CADM1: variants seen among roughly 807,000 people sequenced by gnomAD.
CADM1 encodes the protein cell adhesion molecule 1.
Under a neutral mutation model 53.1 loss-of-function variants are expected in CADM1, and 15 were observed. The ratio of observed to expected loss-of-function variants is 0.28; its 90% CI spans 0.19 to 0.44. The LOEUF is 0.44. Among genes scored for constraint, CADM1 ranks in the 20% least tolerant of loss-of-function variants. The pLI, the probability that CADM1 is intolerant of heterozygous loss-of-function variation, is 1.00. For synonymous variants in CADM1, 281 were observed against 243.0 expected (o/e 1.16, Z -1.45); for missense variants, 434 against 611.3 (o/e 0.71, Z 3.06).
At chr11:115,382,284 T>A (rs990417603) in intron 1 of CADM1, among the ~76,000 whole-genome samples, 1 of 151,698 alleles carries the variant, frequency 6.6e-6, no homozygotes, top group African/African-American at 2.4e-5. Context: ...ATTATGTAAA[T>A]AATAATACTG....
intron 1 of CADM1, among the ~76,000 whole-genome samples, chr11:115,403,802 G>A (rs1037788524): frequency 4.0e-5 from 6 of 151,394 alleles, no homozygotes; most frequent in Admixed American, 3.3e-4. Flanking sequence ...TCACCATGTT[G>A]GCCAGGCTGG....
chr11:115,415,929 T>C (rs1947586260), intron 1 of CADM1, among the ~76,000 whole-genome samples: 1 of 151,742 alleles, frequency 6.6e-6, no homozygotes, highest in African/African-American at 2.4e-5. Flanking sequence ...AAGGTGATCT[T>C]AGGGTAGAAA....
chr11:115,257,557 C>A (rs1942833361), intron 1 of CADM1, among the ~76,000 whole-genome samples: 1 of 152,112 alleles, frequency 6.6e-6, no homozygotes, highest in Non-Finnish European at 1.5e-5. Context: ...GTTAGTGTAT[C>A]CAGTTCTATG....
intron 7 of CADM1, among the ~76,000 whole-genome samples, chr11:115,213,946 A>G (rs12281523): frequency 0.059 from 8,973 of 152,312 alleles, 378 homozygotes; most frequent in Admixed American, 0.14. Context: ...AGTAAGTTAT[A>G]AACAGGAAGT....
intron 1 of CADM1, among the ~76,000 whole-genome samples, chr11:115,323,254 T>C (rs988950334): frequency 6.6e-6 from 1 of 152,200 alleles, no homozygotes. Flanking sequence ...GTATTATAAT[T>C]TTGAGCAACT....
intron 1 of CADM1, among the ~76,000 whole-genome samples, chr11:115,473,958 C>T (rs545985822): frequency 6.6e-6 from 1 of 152,228 alleles, no homozygotes; most frequent in South Asian, 2.1e-4. Context: ...ATACCCAGTA[C>T]TCTCAATACT....
chr11:115,397,344 T>G (rs1200777359), intron 1 of CADM1: 2 of 152,144 alleles, frequency 1.3e-5, no homozygotes, highest in Non-Finnish European at 2.9e-5. Flanking sequence ...ATCAGGAGAA[T>G]GGTACAGAAA....
At chr11:115,237,974 A>G (rs1159995396) in intron 3 of CADM1, among the ~76,000 whole-genome samples, 3 of 152,192 alleles carry the variant, frequency 2.0e-5, no homozygotes, top group Non-Finnish European at 2.9e-5. Flanking sequence ...GTGGCAAAGT[A>G]TATGTTCATG....
intron 1 of CADM1, among the ~76,000 whole-genome samples, chr11:115,459,351 T>C (rs1265117733): frequency 6.6e-6 from 1 of 152,118 alleles, no homozygotes; most frequent in Non-Finnish European, 1.5e-5. Context: ...TCTATTCCCT[T>C]GATAGAGTTT....
At chr11:115,198,536 G>A in intron 8 of CADM1, 98 bp from the exon 9 acceptor site, 3 of 869,494 alleles carry the variant, frequency 3.5e-6, no homozygotes, top group South Asian at 1.4e-5. Flanking sequence ...GATAATATAT[G>A]AGCAAGCTTT....
intron 1 of CADM1, among the ~76,000 whole-genome samples, chr11:115,472,251 T>G (rs536462874): frequency 1.3e-5 from 2 of 152,338 alleles, no homozygotes; most frequent in African/African-American, 4.8e-5. Flanking sequence ...TATAGCTAAG[T>G]AGATGTCAGA....
intron 5 of CADM1, among the ~76,000 whole-genome samples, chr11:115,224,544 A>G (rs1453984922): frequency 6.6e-6 from 1 of 152,140 alleles, no homozygotes; most frequent in African/African-American, 2.4e-5. Context: ...AAAACCCTCA[A>G]AAAATGAGGA....
rs1201779380 is a variant in CADM1, at chr11:115,173,055, C to T, written c.*3419G>A. On this transcript the variant is annotated 3_prime_UTR_variant, in exon 12 of 12. Transcript: ENST00000331581. ...CAACAGAGCAAATCCTGCTGTCTAC[C>T]CAGGCCTGGAAGTCTCAGCAACCTA... 6.6e-6 allele frequency: 1 copy of T among 152,252 alleles called. No individual in the cohort carries two copies. Among genetic ancestry groups the T allele is most frequent in the Non-Finnish European group, 1.5e-5 (1 of 68,068 alleles). The allele number at this position is 152,252 out of a possible 1,614,324, so 9.4% of individuals were successfully genotyped here. A position where few individuals can be genotyped will look rare whatever the true frequency, so the allele number is the denominator to read the frequency against.
intron 10 of CADM1, among the ~76,000 whole-genome samples, chr11:115,184,642 CCA>C (rs1253875587): frequency 6.6e-5 from 10 of 152,122 alleles, no homozygotes; most frequent in African/African-American, 2.4e-4. Flanking sequence ...ATGAAGACTC[CCA>C]TATAGCATCC....
At chr11:115,275,874 C>A (rs1198464745) in intron 1 of CADM1, among the ~76,000 whole-genome samples, 1 of 152,132 alleles carries the variant, frequency 6.6e-6, no homozygotes, top group African/African-American at 2.4e-5. Flanking sequence ...AAGCTGGTCC[C>A]ATTAGCTGCA....
At chr11:115,442,253 T>C (rs1948332222) in intron 1 of CADM1, among the ~76,000 whole-genome samples, 1 of 151,634 alleles carries the variant, frequency 6.6e-6, no homozygotes, top group Non-Finnish European at 1.5e-5. Flanking sequence ...ACAATCATAA[T>C]ATATGAAAAA....
chr11:115,276,642 G>A (rs528739132), intron 1 of CADM1, among the ~76,000 whole-genome samples: 2 of 152,152 alleles, frequency 1.3e-5, no homozygotes, highest in South Asian at 4.2e-4. Flanking sequence ...AACTCTGGAG[G>A]GCAAGAACTG....
chr11:115,378,901 G>C (rs1483024098), intron 1 of CADM1, among the ~76,000 whole-genome samples: 2 of 152,142 alleles, frequency 1.3e-5, no homozygotes, highest in Non-Finnish European at 2.9e-5. Flanking sequence ...TGCTATAGTA[G>C]AATGAGACCT....
intron 1 of CADM1, among the ~76,000 whole-genome samples, chr11:115,406,531 T>G (rs907297533): frequency 2.0e-5 from 3 of 148,152 alleles, no homozygotes; most frequent in Non-Finnish European, 3.0e-5. Flanking sequence ...TATTTATACA[T>G]TATAATTATA....
Sources: allele counts gnomAD v4.1 joint callset (sites outside exome capture counted in the v4.1 genomes callset), GRCh38; gene constraint gnomAD v4.1.1; transcripts MANE v1.5; gene names NCBI Gene and HGNC (gene_info 2026-07-23, HGNC 2026-07-21).